The following NUP153 variants were observed in gnomAD, a reference collection of about 807,000 sequenced individuals.
The protein encoded by NUP153 is nuclear pore complex protein Nup153.
Under a neutral mutation model 134.6 loss-of-function variants are expected in NUP153, and 27 were observed. The ratio of observed to expected loss-of-function variants is 0.20; its 90% CI spans 0.15 to 0.28. The LOEUF (loss-of-function observed/expected upper bound fraction) is 0.28, where lower values mean the gene tolerates loss of function less well. NUP153 is among the 10% of genes least tolerant of loss of function. The pLI is 1.00. For synonymous variants in NUP153, 640 were observed against 623.5 expected (o/e 1.03, Z -0.40); for missense variants, 1,821 against 1,731.3 (o/e 1.05, Z -0.92).
chr6:17,632,633 T>A lies in NUP153; in HGVS notation c.2659+17A>T. On this transcript the variant is annotated intron_variant, in intron 17 of 21. Transcript: ENST00000262077. ...GGCGCTTTACCATCACCTTTATTTT[T>A]ATTTTTTTGGCCTTACCTTTAAACC... The A allele has an allele frequency of 6.4e-7, 1 of 1,572,538 alleles. No homozygotes were observed. The highest frequency in any genetic ancestry group is 2.3e-5 in the East Asian group (1 of 44,262).
At chr6:17,695,029 A>G (rs557912385) in intron 1 of NUP153, among the ~76,000 whole-genome samples, 1 of 152,308 alleles carries the variant, frequency 6.6e-6, no homozygotes, top group Non-Finnish European at 1.5e-5. Flanking sequence ...GAACGAACAA[A>G]AAGGTGCTAA....
chr6:17,703,532 T>A (rs1400284457), intron 1 of NUP153, among the ~76,000 whole-genome samples: 1 of 152,134 alleles, frequency 6.6e-6, no homozygotes, highest in Non-Finnish European at 1.5e-5. Flanking sequence ...GCTTGCTTCA[T>A]GATGACTCAG....
At chr6:17,672,117 A>G (rs1034086107) in intron 5 of NUP153, among the ~76,000 whole-genome samples, 23 of 152,206 alleles carry the variant, frequency 1.5e-4, no homozygotes, top group African/African-American at 4.8e-4. Context: ...ACAAGCTTGA[A>G]AAAGAACAAA....
intron 16 of NUP153, among the ~76,000 whole-genome samples, chr6:17,635,075 C>T (rs1765464827): frequency 6.6e-6 from 1 of 150,376 alleles, no homozygotes; most frequent in Non-Finnish European, 1.5e-5. Flanking sequence ...AAGCCACATG[C>T]AGCCCACAGG....
intron 1 of NUP153, among the ~76,000 whole-genome samples, chr6:17,701,857 T>G (rs1190826711): frequency 1.7e-5 from 2 of 115,072 alleles, no homozygotes; most frequent in Non-Finnish European, 3.6e-5. Flanking sequence ...AAAAGCTAAA[T>G]GCAGGAACTG....
intron 14 of NUP153, among the ~76,000 whole-genome samples, chr6:17,644,285 T>C (rs1325837091): frequency 6.6e-6 from 1 of 152,164 alleles, no homozygotes; most frequent in Non-Finnish European, 1.5e-5. Context: ...TCCCAACTCA[T>C]GTTTCTGCCT....
intron 1 of NUP153, among the ~76,000 whole-genome samples, chr6:17,691,679 C>T (rs1221928480): frequency 1.3e-5 from 2 of 151,984 alleles, no homozygotes; most frequent in South Asian, 2.1e-4. Context: ...GCAGGAGAAT[C>T]GCTTGAACGT....
At chr6:17,663,229 A>AT (rs1424487403) in intron 9 of NUP153, among the ~76,000 whole-genome samples, 8 of 97,474 alleles carry the variant, frequency 8.2e-5, no homozygotes, top group African/African-American at 2.5e-4. Flanking sequence ...AAAAAGAAAA[A>AT]AATACACACA....
chr6:17,645,312 T>G (rs1766098996), intron 14 of NUP153, among the ~76,000 whole-genome samples: 2 of 152,010 alleles, frequency 1.3e-5, no homozygotes, highest in African/African-American at 4.8e-5. Context: ...TCTTTTTTTT[T>G]GAGATAGGGT....
At chr6:17,660,282 T>G (rs1767101345) in intron 11 of NUP153, among the ~76,000 whole-genome samples, 1 of 152,108 alleles carries the variant, frequency 6.6e-6, no homozygotes, top group African/African-American at 2.4e-5. Context: ...CTCCTAAAAC[T>G]CATTGGTCAA....
intron 1 of NUP153, among the ~76,000 whole-genome samples, chr6:17,705,610 G>A (rs1770431295): frequency 6.6e-6 from 1 of 151,094 alleles, no homozygotes; most frequent in Non-Finnish European, 1.5e-5. Context: ...GAGTCGCGCA[G>A]CAGAGAAAAG....
At chr6:17,622,343 T>C (rs1460216599) in intron 20 of NUP153, among the ~76,000 whole-genome samples, 1 of 152,192 alleles carries the variant, frequency 6.6e-6, no homozygotes, top group African/African-American at 2.4e-5. Flanking sequence ...TGTCTGCCTG[T>C]AGTCCCAGTT....
At chr6:17,699,256 G>A (rs1769882424) in intron 1 of NUP153, among the ~76,000 whole-genome samples, 1 of 151,708 alleles carries the variant, frequency 6.6e-6, no homozygotes, top group African/African-American at 2.4e-5. Flanking sequence ...CAACACTTTG[G>A]GAATCTGAGG....
At chr6:17,678,429 A>T (rs1008087458) in intron 2 of NUP153, among the ~76,000 whole-genome samples, 1 of 151,926 alleles carries the variant, frequency 6.6e-6, no homozygotes, top group South Asian at 2.1e-4. Flanking sequence ...ACAGTTTCTA[A>T]ACTCCAAATA....
intron 11 of NUP153, among the ~76,000 whole-genome samples, chr6:17,658,776 G>C (rs1215017395): frequency 6.6e-6 from 1 of 152,128 alleles, no homozygotes; most frequent in Non-Finnish European, 1.5e-5. Context: ...CTCAGATTGA[G>C]ACATGGGACA....
At chr6:17,646,565 T>C (rs1053800314) in intron 13 of NUP153, among the ~76,000 whole-genome samples, 1 of 152,178 alleles carries the variant, frequency 6.6e-6, no homozygotes, top group East Asian at 1.9e-4. Flanking sequence ...TTTTAAGATA[T>C]AGTTTATAAT....
At position 17,692,166 on chromosome 6, in the gene NUP153, A is replaced by G. The variant is rs149960579; in HGVS notation, c.112-3548T>C. On this transcript the variant is annotated intron_variant, in intron 1 of 21. Transcript: ENST00000262077. The stretch of plus-strand genomic sequence containing the variant: ...GTATCTTCAAAAACAACTGGAAAAC[A>G]TAACTGGTCAAAGTGGATATAATAA... Among the ~76,000 whole-genome samples the G allele has an allele frequency of 5.6e-3, 847 of 152,326 alleles. 5 individuals are homozygous for G. Among genetic ancestry groups the G allele is most frequent in the Non-Finnish European group, 9.3e-3 (632 of 68,030 alleles).
rs763324422 is a variant in NUP153 at position 17,637,290 on chromosome 6, C to T, written c.2327G>A (p.Ser776Asn). Residue 776 changes from serine to asparagine, a missense_variant, in exon 16 of 22, where the codon AGC (serine) becomes AAC (asparagine). Transcript: ENST00000262077. ...TAAGGTACCAGTGGTTACAGTGCAG[C>T]TGGAAGATGAAGCAGTCATAGTCTC... ...SAETMTASSS[S>N]CTVTTGTLGF... The T allele has an allele frequency of 1.1e-5, 18 of 1,614,178 alleles. No individual in the cohort carries two copies. The highest frequency in any genetic ancestry group is 1.6e-4 in the Middle Eastern group (1 of 6,062).
At chr6:17,642,726 C>T (rs772968245) in intron 14 of NUP153, among the ~76,000 whole-genome samples, 10 of 152,166 alleles carry the variant, frequency 6.6e-5, no homozygotes, top group Non-Finnish European at 1.2e-4. Context: ...CAAACAAATA[C>T]ACATACACAT....
Sources: gnomAD v4.1 joint callset for allele counts (sites outside exome capture counted in the v4.1 genomes callset) on GRCh38, gnomAD v4.1.1 for gene constraint, MANE v1.5 for transcripts, NCBI Gene and HGNC (gene_info 2026-07-23, HGNC 2026-07-21) for gene names.